The following BBS9 variants were observed in gnomAD, a reference collection of about 807,000 sequenced individuals.
The protein encoded by BBS9 is Bardet-Biedl syndrome 9.
In BBS9, 89 loss-of-function variants were observed where a neutral mutation model predicts 117.7. That is an observed-to-expected ratio of 0.76 (90% confidence interval 0.64 to 0.90). The LOEUF (loss-of-function observed/expected upper bound fraction) is 0.90. BBS9 is among the 40% of genes least tolerant of loss of function. The probability of loss-of-function intolerance (pLI) is 0.00; values close to 1 mark genes in which losing one functional copy is unlikely to be tolerated. For missense variants in BBS9, 982 were observed against 1,042.2 expected (o/e 0.94, Z 0.80); for synonymous variants, 379 against 370.9 (o/e 1.02, Z -0.25).
chr7:33,179,289 C>T (rs1363407289), intron 5 of BBS9, among the ~76,000 whole-genome samples: 3 of 152,158 alleles, frequency 2.0e-5, no homozygotes, highest in African/African-American at 7.2e-5. Context: ...TGTTATATAG[C>T]AGGGATCCCC....
intron 21 of BBS9, among the ~76,000 whole-genome samples, chr7:33,632,635 C>A (rs1484947988): frequency 1.3e-5 from 2 of 152,220 alleles, no homozygotes; most frequent in African/African-American, 4.8e-5. Context: ...GGCTTCAGAA[C>A]GACCACTGCC....
intron 4 of BBS9, among the ~76,000 whole-genome samples, chr7:33,169,691 A>T (rs1186115286): frequency 1.3e-5 from 2 of 151,732 alleles, no homozygotes; most frequent in African/African-American, 4.8e-5. Flanking sequence ...GTTTGAGTTC[A>T]TTGTAGATTC....
At chr7:33,465,039 C>T (rs1441652440) in intron 19 of BBS9, among the ~76,000 whole-genome samples, 5 of 151,716 alleles carry the variant, frequency 3.3e-5, no homozygotes, top group South Asian at 2.1e-4. Flanking sequence ...ACTGATGGTA[C>T]GTCAGTTAAT....
intron 7 of BBS9, among the ~76,000 whole-genome samples, chr7:33,265,916 T>C (rs1488379846): frequency 6.6e-6 from 1 of 151,930 alleles, no homozygotes; most frequent in Non-Finnish European, 1.5e-5. Flanking sequence ...AATAAATATA[T>C]AAAGCACATA....
intron 20 of BBS9, among the ~76,000 whole-genome samples, chr7:33,521,747 C>CTTTTTTTTTTTTTTTTT (rs568390639): frequency 7.0e-6 from 1 of 143,660 alleles, no homozygotes; most frequent in Non-Finnish European, 1.5e-5. Flanking sequence ...TTTTCTTTTT[C>CTTTTTTTTTTTTTTTTT]TTTTTTTTTT....
chr7:33,131,407 G>C (rs909279824), intron 1 of BBS9, among the ~76,000 whole-genome samples: 1 of 152,212 alleles, frequency 6.6e-6, no homozygotes, highest in Non-Finnish European at 1.5e-5. Context: ...CAAATTTTGT[G>C]TTATTTTGCC....
In BBS9 at chr7:33,249,226, GAC is replaced by G. The variant is rs143505945; in HGVS notation, c.443-7985_443-7984del. Among the ~76,000 whole-genome samples the G allele has an allele frequency of 2.7e-3, 398 of 148,132 alleles. 1 individual carries two copies. The highest frequency in any genetic ancestry group is 3.4e-3 in the Non-Finnish European group (225 of 66,916). On this transcript the variant is annotated intron_variant, in intron 5 of 22. Transcript: ENST00000242067. ...GGTAGAAAGAACTTCTGGGCATGGGGACACACACACACACACACACACACACG... is the reference window on the plus strand; with the variant it reads ...GGTAGAAAGAACTTCTGGGCATGGGGACACACACACACACACACACACACG...
At chr7:33,480,908 G>A (rs541072024) in intron 19 of BBS9, among the ~76,000 whole-genome samples, 3 of 152,198 alleles carry the variant, frequency 2.0e-5, no homozygotes, top group South Asian at 4.1e-4. Context: ...AAAGTGTTTG[G>A]CAGTTCCCCA....
intron 21 of BBS9, among the ~76,000 whole-genome samples, chr7:33,588,682 G>A (rs954256084): frequency 6.6e-6 from 1 of 152,118 alleles, no homozygotes; most frequent in Non-Finnish European, 1.5e-5. Flanking sequence ...AAGGGGTGGG[G>A]GCCACATGGT....
intron 9 of BBS9, among the ~76,000 whole-genome samples, chr7:33,313,733 G>A (rs531788986): frequency 1.3e-5 from 2 of 152,128 alleles, no homozygotes; most frequent in East Asian, 1.9e-4. Flanking sequence ...CTTTTCTTGG[G>A]CATTTTAATT....
rs185362825 is a variant in BBS9 at position 33,292,547 on chromosome 7, C to T, written c.1016+18591C>T. On this transcript the variant is annotated intron_variant, in intron 9 of 22. Coordinates refer to ENST00000242067, the MANE Select transcript of BBS9 (RefSeq NM_198428.3). ...CCATCTATTTGTGGAACATTTATTT[C>T]TTTGTTTAGGTCAAACTTTTTACTG... 5.1e-3 allele frequency among the ~76,000 whole-genome samples: 779 copies of T among 152,204 alleles called. 10 individuals carry two copies. The highest frequency in any genetic ancestry group is 0.018 in the African/African-American group (739 of 41,534).
intron 20 of BBS9, among the ~76,000 whole-genome samples, chr7:33,527,602 C>T (rs374593753): frequency 1.1e-4 from 17 of 152,330 alleles, no homozygotes; most frequent in East Asian, 7.7e-4. Context: ...CGCCCTGCTT[C>T]GGCTCGCGCA....
intron 19 of BBS9, among the ~76,000 whole-genome samples, chr7:33,434,250 A>C (rs1253255083): frequency 6.6e-6 from 1 of 151,950 alleles, no homozygotes; most frequent in Non-Finnish European, 1.5e-5. Flanking sequence ...AACTTTCTAA[A>C]AACACTGAAT....
At chr7:33,372,609 G>T (rs1823076496) in intron 17 of BBS9, among the ~76,000 whole-genome samples, 1 of 152,076 alleles carries the variant, frequency 6.6e-6, no homozygotes, top group African/African-American at 2.4e-5. Context: ...CTGGCCTGTA[G>T]TTTTCTTCTT....
intron 7 of BBS9, among the ~76,000 whole-genome samples, chr7:33,270,498 T>C (rs925472442): frequency 6.6e-6 from 1 of 152,080 alleles, no homozygotes; most frequent in Non-Finnish European, 1.5e-5. Context: ...ACAGACGAAA[T>C]AGCCAGTATA....
chr7:33,527,306 C>A (rs1849719694), intron 20 of BBS9, among the ~76,000 whole-genome samples: 1 of 152,172 alleles, frequency 6.6e-6, no homozygotes, highest in Non-Finnish European at 1.5e-5. Flanking sequence ...GCTTTGTTTA[C>A]CTAAGCAAGC....
chr7:33,497,198 A>G lies in BBS9; in HGVS notation c.2116-8265A>G, dbSNP rs149236639. Among the ~76,000 whole-genome samples, 202 of 152,320 alleles carry G rather than the reference A, an allele frequency of 1.3e-3. 1 individual carries two copies. The highest frequency in any genetic ancestry group is 4.5e-3 in the African/African-American group (185 of 41,570). On this transcript the variant is annotated intron_variant, in intron 19 of 22. Coordinates refer to ENST00000242067, the MANE Select transcript of BBS9 (RefSeq NM_198428.3). ...AAGGTGAACTGGAGCAATTTTTTAA[A>G]AAGTAGATGACAGATATATTGAAGT...
At chr7:33,192,356 A>G (rs1255458524) in intron 5 of BBS9, among the ~76,000 whole-genome samples, 1 of 152,260 alleles carries the variant, frequency 6.6e-6, no homozygotes, top group East Asian at 1.9e-4. Context: ...AAAGTGGCAT[A>G]TTATAAGATA....
chr7:33,131,793 A>C (rs759078288), intron 1 of BBS9, among the ~76,000 whole-genome samples: 10 of 152,194 alleles, frequency 6.6e-5, no homozygotes, highest in Non-Finnish European at 1.2e-4. Context: ...AAAATTATTA[A>C]AACTTTTTAA....
Sources: gnomAD v4.1 joint callset for allele counts (sites outside exome capture counted in the v4.1 genomes callset) on GRCh38, gnomAD v4.1.1 for gene constraint, MANE v1.5 for transcripts, NCBI Gene and HGNC (gene_info 2026-07-23, HGNC 2026-07-21) for gene names.